HMGCLL1: variants seen among roughly 807,000 people sequenced by gnomAD.
HMGCLL1 encodes the protein 3-hydroxymethyl-3-methylglutaryl-CoA lyase, cytoplasmic.
A neutral mutation model predicts 39.1 loss-of-function variants in HMGCLL1; 36 were observed. The ratio of observed to expected loss-of-function variants is 0.92; its 90% CI spans 0.71 to 1.22. HMGCLL1 has a LOEUF of 1.22. HMGCLL1 is among the 50% of genes most tolerant of loss of function. HMGCLL1 has a pLI of 0.00. For synonymous variants in HMGCLL1, 149 were observed against 144.0 expected, an observed-to-expected ratio of 1.03 and a Z score of -0.25; for missense variants, 451 against 416.5, an observed-to-expected ratio of 1.08 and a Z score of -0.72.
chr6:55,627,001 A>G, the HMGCLL1 span, among the ~76,000 whole-genome samples: 2 of 150,098 alleles, frequency 1.3e-5, no homozygotes, highest in African/African-American at 2.5e-5. Flanking sequence ...AGTCAAGACT[A>G]CAAATGACCC....
chr6:55,577,549 T>C lies in HMGCLL1; in HGVS notation c.108+1399A>G, dbSNP rs148770828. Among the ~76,000 whole-genome samples the C allele has an allele frequency of 9.8e-3, 1,491 of 152,238 alleles. 24 individuals are homozygous for C. Among genetic ancestry groups the C allele is most frequent in the African/African-American group, 0.033 (1,387 of 41,528 alleles). On this transcript the variant is annotated intron_variant, in intron 1 of 8. Coordinates refer to ENST00000274901, the MANE Select transcript of HMGCLL1 (RefSeq NM_001042406.2). ...CATTTTCATTTAACCTGCTTCCATA[T>C]CTTAGCAGGGCAAATAAGACATCCT...
chr6:55,528,486 C>A (rs574573858), intron 3 of HMGCLL1, among the ~76,000 whole-genome samples: 1 of 151,902 alleles, frequency 6.6e-6, no homozygotes, highest in South Asian at 2.1e-4. Context: ...GTACAGTAAC[C>A]CTGTCTCATT....
At chr6:55,676,284 A>C in the HMGCLL1 span, among the ~76,000 whole-genome samples, 1 of 152,188 alleles carries the variant, frequency 6.6e-6, no homozygotes, top group Admixed American at 6.6e-5. Flanking sequence ...TGTATGTCTC[A>C]GCTACCATAA....
At chr6:55,612,843 G>T in the HMGCLL1 span, among the ~76,000 whole-genome samples, 1 of 151,920 alleles carries the variant, frequency 6.6e-6, no homozygotes, top group Non-Finnish European at 1.5e-5. Context: ...AATCATAAAA[G>T]CTCCAGAAGA....
At chr6:55,563,748 T>C (rs1217733530) in intron 1 of HMGCLL1, 1 of 572,184 alleles carries the variant, frequency 1.7e-6, no homozygotes, top group African/African-American at 2.0e-5. Context: ...CATACAAAAT[T>C]AATGACAAGG....
the HMGCLL1 span, among the ~76,000 whole-genome samples, chr6:55,654,862 A>G: frequency 6.6e-6 from 1 of 151,910 alleles, no homozygotes; most frequent in Non-Finnish European, 1.5e-5. Flanking sequence ...TAGTTAAATC[A>G]TGTAATCAAC....
At chr6:55,451,295 A>G (rs892150596) in intron 7 of HMGCLL1, among the ~76,000 whole-genome samples, 2 of 152,184 alleles carry the variant, frequency 1.3e-5, no homozygotes, top group Non-Finnish European at 2.9e-5. Flanking sequence ...ATTAGGCCCC[A>G]TAGTTCTTAA....
the HMGCLL1 span, among the ~76,000 whole-genome samples, chr6:55,663,742 C>T: frequency 2.6e-5 from 4 of 151,604 alleles, no homozygotes; most frequent in African/African-American, 9.7e-5. Context: ...AATTTTCTGC[C>T]TCAGTGAGAT....
intron 3 of HMGCLL1, among the ~76,000 whole-genome samples, chr6:55,522,151 T>C (rs1026575166): frequency 1.3e-5 from 2 of 151,960 alleles, no homozygotes; most frequent in Non-Finnish European, 2.9e-5. Context: ...TATTGATATA[T>C]TATTTATATA....
rs58781384 is a variant in HMGCLL1 at position 55,443,330 on chromosome 6, A to G, written c.796-3771T>C. ...CAAAAGTCAGAGGAATCAGCCGGAT[A>G]GATGAGAAATGGCTTCAGCCCGAAA... On this transcript the variant is annotated intron_variant, in intron 7 of 8. Transcript: ENST00000274901. Among the ~76,000 whole-genome samples the G allele has an allele frequency of 7.3e-3, 1,105 of 152,292 alleles. 13 individuals are homozygous for G. The highest frequency in any genetic ancestry group is 0.025 in the African/African-American group (1,020 of 41,572).
intron 3 of HMGCLL1, among the ~76,000 whole-genome samples, chr6:55,524,972 G>C (rs9475341): frequency 6.7e-6 from 1 of 150,112 alleles, no homozygotes; most frequent in Non-Finnish European, 1.5e-5. Context: ...TTAATTAATA[G>C]TAATAGTAAT....
chr6:55,459,335 A>G (rs1438807832), intron 7 of HMGCLL1, among the ~76,000 whole-genome samples: 1 of 152,178 alleles, frequency 6.6e-6, no homozygotes, highest in Non-Finnish European at 1.5e-5. Flanking sequence ...CTAGGAAAAT[A>G]TTAAGAGTTT....
At chr6:55,556,748 A>G (rs897521418) in intron 1 of HMGCLL1, among the ~76,000 whole-genome samples, 3 of 152,266 alleles carry the variant, frequency 2.0e-5, no homozygotes, top group Admixed American at 1.3e-4. Context: ...TAGACGAGAG[A>G]TGACAGCTGA....
Position 55,514,523 on chromosome 6 carries a change from A to C in HMGCLL1, c.394-327T>G, listed in dbSNP as rs138479751. On this transcript the variant is annotated intron_variant, in intron 4 of 8. Transcript: ENST00000274901. ...AAGCCTAATTATGGAAAATACTAGC[A>C]CCCCAATAAAACCCTTATCCTCCAT... Among the ~76,000 whole-genome samples, 802 of 152,260 alleles carry C rather than the reference A, an allele frequency of 5.3e-3. 9 individuals carry two copies. The highest frequency in any genetic ancestry group is 0.018 in the African/African-American group (766 of 41,564).
At chr6:55,536,687 C>T (rs1345729609) in intron 3 of HMGCLL1, among the ~76,000 whole-genome samples, 1 of 95,474 alleles carries the variant, frequency 1.0e-5, no homozygotes, top group African/African-American at 3.5e-5. Flanking sequence ...TTGTAAAGAA[C>T]ATGTATTTTT....
chr6:55,673,797 T>C, the HMGCLL1 span, among the ~76,000 whole-genome samples: 6 of 152,020 alleles, frequency 3.9e-5, no homozygotes, highest in Non-Finnish European at 8.8e-5. Context: ...GTATTTCAAA[T>C]ATATTATCAT....
At chr6:55,584,897 C>T in the HMGCLL1 span, among the ~76,000 whole-genome samples, 1 of 151,710 alleles carries the variant, frequency 6.6e-6, no homozygotes. Context: ...GTGGTACAGC[C>T]TTAAACAATA....
At chr6:55,589,149 A>G in the HMGCLL1 span, among the ~76,000 whole-genome samples, 2 of 152,208 alleles carry the variant, frequency 1.3e-5, no homozygotes, top group African/African-American at 4.8e-5. Context: ...CAATGCAAAA[A>G]TCCTCAATGA....
chr6:55,607,550 C>A, the HMGCLL1 span, among the ~76,000 whole-genome samples: 1 of 152,118 alleles, frequency 6.6e-6, no homozygotes, highest in Non-Finnish European at 1.5e-5. Context: ...TGCCCTTTCT[C>A]ACGGCCGCCC....
Sources: allele counts gnomAD v4.1 joint callset (sites outside exome capture counted in the v4.1 genomes callset), GRCh38; gene constraint gnomAD v4.1.1; transcripts MANE v1.5; gene names NCBI Gene and HGNC (gene_info 2026-07-23, HGNC 2026-07-21).